Variants in SERPINB12 observed in about 807,000 individuals in gnomAD.
SERPINB12 encodes serpin family B member 12, also known as serpin B12.
A neutral mutation model predicts 41.1 loss-of-function variants in SERPINB12; 57 were observed. The observed-to-expected ratio is 1.39, with a 90% CI of 1.12 to 1.73. The LOEUF is 1.73. Among genes scored for constraint, SERPINB12 ranks in the 40% most tolerant of loss-of-function variants. SERPINB12 has a pLI of 0.00. For synonymous variants in SERPINB12, 180 were observed against 181.3 expected (o/e 0.99, Z 0.06); for missense variants, 536 against 501.9 (o/e 1.07, Z -0.65).
chr18:63,564,231 AT>A, intron 6 of SERPINB12, 111 bp downstream of exon 6: 1 of 1,194,610 alleles, frequency 8.4e-7, no homozygotes, highest in East Asian at 2.4e-5. Context: ...CAATAAGAAC[AT>A]TTTTCGTTGA....
chr18:63,533,664 T>G, the SERPINB12 span, among the ~76,000 whole-genome samples: 978 of 152,316 alleles, frequency 6.4e-3, 4 homozygotes, highest in Non-Finnish European at 9.8e-3. Flanking sequence ...TAGAGATTAG[T>G]TTGCACAACA....
chr18:63,528,037 T>G, the SERPINB12 span, among the ~76,000 whole-genome samples: 1 of 151,842 alleles, frequency 6.6e-6, no homozygotes, highest in Admixed American at 6.6e-5. Flanking sequence ...GTGACTTGCT[T>G]CTTCTTGCCT....
intron 7 of SERPINB12, 136 bp from the exon 8 acceptor site, chr18:63,566,471 G>T: frequency 1.3e-6 from 1 of 756,126 alleles, no homozygotes; most frequent in Non-Finnish European, 2.2e-6. Context: ...AATGAAATCA[G>T]ACTATTCTCT....
chr18:63,547,093 A>T (rs1910404330), intron 1 of SERPINB12, among the ~76,000 whole-genome samples: 1 of 152,212 alleles, frequency 6.6e-6, no homozygotes, highest in Non-Finnish European at 1.5e-5. Context: ...AAAAAAAGTG[A>T]GTTAGTTTTA....
chr18:63,550,399 A>G (rs1331051282), intron 1 of SERPINB12, among the ~76,000 whole-genome samples: 1 of 152,148 alleles, frequency 6.6e-6, no homozygotes, highest in Non-Finnish European at 1.5e-5. Context: ...ATTTCTCTTC[A>G]ATTTTCCATA....
chr18:63,549,267 A>T (rs1910463541), intron 1 of SERPINB12, among the ~76,000 whole-genome samples: 1 of 152,114 alleles, frequency 6.6e-6, no homozygotes, highest in South Asian at 2.1e-4. Flanking sequence ...GTGAGGGCAA[A>T]ATTCCTCATT....
chr18:63,521,585 G>C, the SERPINB12 span, among the ~76,000 whole-genome samples: 1 of 152,166 alleles, frequency 6.6e-6, no homozygotes, highest in South Asian at 2.1e-4. Flanking sequence ...GCATTAGTCT[G>C]CTAGGATTGT....
the SERPINB12 span, among the ~76,000 whole-genome samples, chr18:63,525,269 C>A: frequency 1.3e-5 from 2 of 151,994 alleles, no homozygotes; most frequent in African/African-American, 2.4e-5. Flanking sequence ...TTTTTCCCAT[C>A]GAAAATACAT....
the SERPINB12 span, among the ~76,000 whole-genome samples, chr18:63,529,797 A>G: frequency 6.6e-6 from 1 of 152,080 alleles, no homozygotes; most frequent in Non-Finnish European, 1.5e-5. Flanking sequence ...ATCATTTAAA[A>G]ACTGATGTTT....
chr18:63,551,402 T>A (rs1388624552), intron 1 of SERPINB12, among the ~76,000 whole-genome samples: 2 of 152,150 alleles, frequency 1.3e-5, no homozygotes, highest in Non-Finnish European at 2.9e-5. Context: ...TTCAGCTCAC[T>A]GCAACCTCTG....
chr18:63,561,835 G>A (rs1910921028), intron 5 of SERPINB12, among the ~76,000 whole-genome samples: 1 of 152,072 alleles, frequency 6.6e-6, no homozygotes, highest in Non-Finnish European at 1.5e-5. Context: ...TAAACATTGA[G>A]GACACACAGA....
At chr18:63,527,746 A>G in the SERPINB12 span, among the ~76,000 whole-genome samples, 20 of 152,312 alleles carry the variant, frequency 1.3e-4, no homozygotes, top group South Asian at 3.5e-3. Context: ...ACAAACTGGG[A>G]AAGTTTTTAA....
At chr18:63,559,015 T>TTTCCTTCC (rs1910786432) in intron 3 of SERPINB12, among the ~76,000 whole-genome samples, 1 of 59,894 alleles carries the variant, frequency 1.7e-5, no homozygotes, top group South Asian at 5.8e-4. Flanking sequence ...TCTTTCTTTC[T>TTTCCTTCC]TTCTTTCTTT....
upstream of SERPINB12, among the ~76,000 whole-genome samples, chr18:63,539,990 C>T (rs1910243195): frequency 6.6e-6 from 1 of 152,046 alleles, no homozygotes; most frequent in Admixed American, 6.6e-5. Flanking sequence ...GAAAATAACA[C>T]AAGAAAGGTA....
chr18:63,555,163 C>G (rs533955189), intron 1 of SERPINB12, among the ~76,000 whole-genome samples: 2 of 152,262 alleles, frequency 1.3e-5, no homozygotes, highest in African/African-American at 4.8e-5. Context: ...ATCAAGACCC[C>G]CAGCATCATT....
At chr18:63,558,617 T>C in intron 3 of SERPINB12, 131 bp downstream of exon 3, 1 of 979,782 alleles carries the variant, frequency 1.0e-6, no homozygotes, top group South Asian at 1.8e-5. Flanking sequence ...AATAACCTCA[T>C]GTGATCTGTG....
intron 1 of SERPINB12, among the ~76,000 whole-genome samples, chr18:63,551,018 C>T (rs1168116211): frequency 2.6e-5 from 4 of 151,886 alleles, no homozygotes; most frequent in Admixed American, 6.6e-5. Context: ...GCCTGTAATC[C>T]CAGCACTTTG....
At chr18:63,523,641 G>A in the SERPINB12 span, among the ~76,000 whole-genome samples, 3 of 152,072 alleles carry the variant, frequency 2.0e-5, no homozygotes, top group Admixed American at 6.6e-5. Context: ...AGCACAATTC[G>A]GACAGATCAA....
intron 7 of SERPINB12, among the ~76,000 whole-genome samples, chr18:63,566,030 G>A (rs1374121026): frequency 6.6e-6 from 1 of 152,160 alleles, no homozygotes; most frequent in African/African-American, 2.4e-5. Context: ...AGTGTAGAGA[G>A]TGACAACAGA....
Sources: gnomAD v4.1 joint callset for allele counts (sites outside exome capture counted in the v4.1 genomes callset) on GRCh38, gnomAD v4.1.1 for gene constraint, MANE v1.5 for transcripts, NCBI Gene and HGNC (gene_info 2026-07-23, HGNC 2026-07-21) for gene names.